The following CDC42BPB variants were observed in gnomAD, a reference collection of about 807,000 sequenced individuals.
The protein encoded by CDC42BPB is serine/threonine-protein kinase MRCK beta.
In CDC42BPB, 37 loss-of-function variants were observed where a neutral mutation model predicts 214.9. The observed-to-expected ratio is 0.17, with a 90% CI of 0.13 to 0.23. The LOEUF (loss-of-function observed/expected upper bound fraction) is 0.23, where lower values mean the gene tolerates loss of function less well. Among genes scored for constraint, CDC42BPB ranks in the 10% least tolerant of loss-of-function variants. The pLI is 1.00. For missense variants in CDC42BPB, 1,694 were observed against 2,227.0 expected (o/e 0.76, Z 4.82); for synonymous variants, 931 against 884.0 (o/e 1.05, Z -0.94).
Position 102,974,862 on chromosome 14 carries a change from C to A in CDC42BPB, c.1508-713G>T, listed in dbSNP as rs566366200. Among the ~76,000 whole-genome samples, 9 of 152,258 alleles carry A rather than the reference C, an allele frequency of 5.9e-5. No individual in the cohort carries two copies. In the South Asian group the frequency reaches 1.7e-3, roughly 28 times the overall value. On this transcript the variant is annotated intron_variant, in intron 11 of 36. Coordinates refer to ENST00000361246, the MANE Select transcript of CDC42BPB (RefSeq NM_006035.4). ...TTGGGAGGCTGAGACAGGAGAATGG[C>A]GTGAACCCAGGAGGCGGAGCTTGCA...
chr14:103,042,464 C>T (rs34306457), intron 1 of CDC42BPB, among the ~76,000 whole-genome samples: 2,070 of 152,212 alleles, frequency 0.014, 45 homozygotes, highest in African/African-American at 0.047. Context: ...GCGCCTGCCA[C>T]CATGCCTGGA....
Position 103,001,635 on chromosome 14 carries a change from C to T in CDC42BPB, c.448-1922G>A, listed in dbSNP as rs1005776920. 2.0e-5 allele frequency among the ~76,000 whole-genome samples: 3 copies of T among 152,184 alleles called. No homozygotes were observed. Among genetic ancestry groups the T allele is most frequent in the Admixed American group, 2.0e-4 (3 of 15,286 alleles). ...CAGAAGCCCAGGCACCGAGGTGCCA[C>T]TGCGTGTGGAGGGCGATGCAGAGGG... On this transcript the variant is annotated intron_variant, in intron 4 of 36. Transcript: ENST00000361246. This position sits in a 1 kb window ranked among gnomAD's most constrained non-coding sequence, Gnocchi z 5.8.
At chr14:102,956,698 G>A (rs950253689) in intron 21 of CDC42BPB, among the ~76,000 whole-genome samples, 1 of 152,006 alleles carries the variant, frequency 6.6e-6, no homozygotes, top group East Asian at 1.9e-4. Flanking sequence ...GTGCGGTGGC[G>A]AGCACCTGTA....
chr14:102,968,199 T>A (rs1893307374), intron 16 of CDC42BPB, 54 bp downstream of exon 16: 1 of 1,355,772 alleles, frequency 7.4e-7, no homozygotes, highest in African/African-American at 1.5e-5. Context: ...ATAATTTTTT[T>A]TTAAATTACA....
chr14:103,013,378 C>CA (rs1886267152), intron 1 of CDC42BPB, among the ~76,000 whole-genome samples: 1 of 152,206 alleles, frequency 6.6e-6, no homozygotes, highest in Non-Finnish European at 1.5e-5. Context: ...CCGGCCTCCT[C>CA]ACGCGGACTC....
chr14:103,046,607 C>CG (rs1888301582), intron 1 of CDC42BPB, among the ~76,000 whole-genome samples: 1 of 152,206 alleles, frequency 6.6e-6, no homozygotes, highest in South Asian at 2.1e-4. Flanking sequence ...CTAAAACGCA[C>CG]TGCCTTCATG....
In CDC42BPB at chr14:102,964,585, C is replaced by T. The variant is rs963766725; in HGVS notation, c.2643G>A (p.Ser881=). Reference sequence around the variant, plus strand: ...TGGCCCGGATCTCCGCCTCCAGGGCCGACTGCAGCTCCAGCCGCGCGGACA... The same window carrying T: ...TGGCCCGGATCTCCGCCTCCAGGGCTGACTGCAGCTCCAGCCGCGCGGACA... ...LDMSARLELQ[S]ALEAEIRAKQ... is the part of the protein sequence containing the mutation. The change falls in exon 19 of 37, where the codon TCG becomes TCA. Residue 881 remains serine (S), a synonymous_variant. Transcript: ENST00000361246. 16 of 1,613,880 alleles carry T rather than the reference C, an allele frequency of 9.9e-6. No individual in the cohort carries two copies. Among genetic ancestry groups the T allele is most frequent in the East Asian group, 2.2e-5 (1 of 44,878 alleles).
At chr14:102,946,853 C>T (rs981406228) in intron 27 of CDC42BPB, 169 bp from the exon 28 acceptor site, 24 of 985,320 alleles carry the variant, frequency 2.4e-5, no homozygotes, top group African/African-American at 5.2e-5. Context: ...GAGGCTCCCG[C>T]GGCAGGACAC....
chr14:102,980,270 G>A (rs1157860450), intron 8 of CDC42BPB, among the ~76,000 whole-genome samples: 2 of 152,196 alleles, frequency 1.3e-5, no homozygotes, highest in Non-Finnish European at 2.9e-5. Context: ...AGAGGTGGGC[G>A]GATCATGTGG....
intron 5 of CDC42BPB, among the ~76,000 whole-genome samples, chr14:102,996,301 C>T (rs1234010129): frequency 6.6e-6 from 1 of 151,988 alleles, no homozygotes; most frequent in Non-Finnish European, 1.5e-5. Context: ...GATGATGCCA[C>T]TGCACTCCAG....
At chr14:102,995,176 TCTC>T (rs533168162) in intron 5 of CDC42BPB, among the ~76,000 whole-genome samples, 83 of 152,126 alleles carry the variant, frequency 5.5e-4, no homozygotes, top group African/African-American at 2.0e-3. Context: ...TCTCTCTCTC[TCTC>T]TTTTTTTTTT....
intron 36 of CDC42BPB, among the ~76,000 whole-genome samples, chr14:102,935,315 C>T (rs1442525430): frequency 6.6e-6 from 1 of 151,520 alleles, no homozygotes; most frequent in Non-Finnish European, 1.5e-5. Flanking sequence ...CAGAAATGAA[C>T]ACACTGAAAA....
At chr14:102,945,796 G>C (rs1892137190) in intron 28 of CDC42BPB, 72 bp from the exon 29 acceptor site, 3 of 1,329,804 alleles carry the variant, frequency 2.3e-6, no homozygotes, top group Non-Finnish European at 3.2e-6. Context: ...GAATGCGTGG[G>C]TGGGCTCATT....
At chr14:103,027,133 C>A (rs958688468) in intron 1 of CDC42BPB, among the ~76,000 whole-genome samples, 2 of 152,174 alleles carry the variant, frequency 1.3e-5, no homozygotes, top group African/African-American at 4.8e-5. Flanking sequence ...AAAACTGTAA[C>A]CAGACCTCAC....
intron 1 of CDC42BPB, among the ~76,000 whole-genome samples, chr14:103,049,807 G>C (rs1465085402): frequency 6.6e-6 from 1 of 152,172 alleles, no homozygotes; most frequent in Non-Finnish European, 1.5e-5. Context: ...TCCGCCTCCC[G>C]GGTTTAAGTG....
intron 5 of CDC42BPB, among the ~76,000 whole-genome samples, chr14:102,992,105 G>T (rs941558913): frequency 6.6e-6 from 1 of 152,152 alleles, no homozygotes; most frequent in Non-Finnish European, 1.5e-5. Context: ...TAGCACTGTG[G>T]GGGGGATGAG....
chr14:102,968,611 A>G lies in CDC42BPB; in HGVS notation c.2101T>C (p.Leu701=). ...EKKVLFYEEE[L]VRREASHVLE... ...ACATGGGAGGCCTCACGTCTGACCAATTCCTCTTCATAAAATAAGACTTTC... is the reference window on the plus strand; with the variant it reads ...ACATGGGAGGCCTCACGTCTGACCAGTTCCTCTTCATAAAATAAGACTTTC... Residue 701 remains leucine, a synonymous_variant, in exon 15 of 37, where the codon TTG becomes CTG. Coordinates refer to ENST00000361246, the MANE Select transcript of CDC42BPB (RefSeq NM_006035.4). 6.2e-7 allele frequency: 1 copy of G among 1,614,150 alleles called. No homozygotes were observed. The highest frequency in any genetic ancestry group is 8.5e-7 in the Non-Finnish European group (1 of 1,180,018).
At chr14:103,054,028 T>C (rs1888804775) in intron 1 of CDC42BPB, among the ~76,000 whole-genome samples, 1 of 151,800 alleles carries the variant, frequency 6.6e-6, no homozygotes, top group Non-Finnish European at 1.5e-5. Flanking sequence ...TTTATAAAAT[T>C]TTATTTTGAC....
chr14:102,937,268 T>C (rs977273923), intron 36 of CDC42BPB: 2 of 152,588 alleles, frequency 1.3e-5, no homozygotes, highest in African/African-American at 4.8e-5. Flanking sequence ...AAAATGTGAC[T>C]GTCCCACCAG....
Sources: gnomAD v4.1 joint callset for allele counts (sites outside exome capture counted in the v4.1 genomes callset) on GRCh38, gnomAD v4.1.1 for gene constraint, Gnocchi (gnomAD v3.1) non-coding constraint, MANE v1.5 for transcripts, NCBI Gene and HGNC (gene_info 2026-07-23, HGNC 2026-07-21) for gene names.